Variants in UBE2E2 observed in about 807,000 individuals in gnomAD.
UBE2E2 encodes ubiquitin conjugating enzyme E2 E2, also known as ubiquitin-conjugating enzyme E2 E2.
A neutral mutation model predicts 24.7 loss-of-function variants in UBE2E2; 6 were observed. The observed-to-expected ratio is 0.24, with a 90% CI of 0.13 to 0.48. UBE2E2 has a LOEUF of 0.48. Among genes scored for constraint, UBE2E2 ranks in the 20% least tolerant of loss-of-function variants. UBE2E2 has a pLI of 0.99. For synonymous variants in UBE2E2, 104 were observed against 83.6 expected (o/e 1.24, Z -1.33); for missense variants, 169 against 245.0 (o/e 0.69, Z 2.07).
chr3:23,264,638 T>C (rs770027003), intron 3 of UBE2E2, among the ~76,000 whole-genome samples: 5 of 152,174 alleles, frequency 3.3e-5, no homozygotes, highest in Non-Finnish European at 5.9e-5. Context: ...GGCCCAAGTA[T>C]GCATGGTTTG....
At chr3:23,582,405 T>C (rs892587102) in intron 5 of UBE2E2, among the ~76,000 whole-genome samples, 3 of 152,186 alleles carry the variant, frequency 2.0e-5, no homozygotes, top group Non-Finnish European at 4.4e-5. Flanking sequence ...AAATATTCCT[T>C]TGGATATACC....
At chr3:23,353,229 C>T (rs925061737) in intron 3 of UBE2E2, among the ~76,000 whole-genome samples, 19 of 152,198 alleles carry the variant, frequency 1.2e-4, no homozygotes, top group African/African-American at 3.1e-4. Flanking sequence ...ATTGATGGGA[C>T]GTATCTCCAA....
intron 3 of UBE2E2, among the ~76,000 whole-genome samples, chr3:23,375,544 A>T (rs1696501011): frequency 6.6e-6 from 1 of 152,144 alleles, no homozygotes; most frequent in Admixed American, 6.6e-5. Context: ...TGAGTGAGTG[A>T]TATGTTGTGG....
At chr3:23,385,174 T>C (rs1317504431) in intron 3 of UBE2E2, among the ~76,000 whole-genome samples, 10 of 152,210 alleles carry the variant, frequency 6.6e-5, no homozygotes, top group African/African-American at 2.2e-4. Flanking sequence ...TTGTATTACA[T>C]TGTCCTTTGA....
intron 4 of UBE2E2, among the ~76,000 whole-genome samples, chr3:23,510,485 T>TA (rs1306577254): frequency 6.6e-6 from 1 of 152,052 alleles, no homozygotes; most frequent in Non-Finnish European, 1.5e-5. Flanking sequence ...CACACGCCCG[T>TA]AATCCCAGCT....
At chr3:23,439,558 T>G (rs1000767400) in intron 3 of UBE2E2, among the ~76,000 whole-genome samples, 18 of 152,150 alleles carry the variant, frequency 1.2e-4, no homozygotes, top group Non-Finnish European at 2.5e-4. Flanking sequence ...CCAAAGAGAT[T>G]ATGAGAGAGA....
chr3:23,414,031 T>A (rs930591377), intron 3 of UBE2E2, among the ~76,000 whole-genome samples: 1 of 152,218 alleles, frequency 6.6e-6, no homozygotes. Context: ...TTAGGAACTC[T>A]TAATACATCT....
intron 3 of UBE2E2, among the ~76,000 whole-genome samples, chr3:23,292,462 T>G (rs147336607): frequency 3.9e-5 from 6 of 152,194 alleles, no homozygotes; most frequent in Non-Finnish European, 8.8e-5. Flanking sequence ...TGGGCCATTC[T>G]TGAAGCCAGT....
intron 3 of UBE2E2, among the ~76,000 whole-genome samples, chr3:23,431,767 C>T (rs775504818): frequency 9.9e-5 from 15 of 152,160 alleles, no homozygotes; most frequent in South Asian, 4.1e-4. Context: ...AACCACTATA[C>T]GTAGAAATAT....
At chr3:23,239,583 G>A (rs1412574226) in intron 3 of UBE2E2, among the ~76,000 whole-genome samples, 1 of 152,100 alleles carries the variant, frequency 6.6e-6, no homozygotes, top group Non-Finnish European at 1.5e-5. Flanking sequence ...AAAGCATTTA[G>A]TTTTATAATA....
chr3:23,367,681 A>G (rs1218285033), intron 3 of UBE2E2, among the ~76,000 whole-genome samples: 1 of 152,120 alleles, frequency 6.6e-6, no homozygotes, highest in East Asian at 1.9e-4. Context: ...AGATTAATTG[A>G]ACCCAAAGAC....
chr3:23,276,683 T>C (rs1354780591), intron 3 of UBE2E2, among the ~76,000 whole-genome samples: 3 of 152,046 alleles, frequency 2.0e-5, no homozygotes, highest in Non-Finnish European at 4.4e-5. Context: ...GTGGGTTGTG[T>C]TTTGAAGTCT....
chr3:23,322,885 A>C (rs961926084), intron 3 of UBE2E2, among the ~76,000 whole-genome samples: 2 of 151,928 alleles, frequency 1.3e-5, no homozygotes, highest in African/African-American at 4.8e-5. Flanking sequence ...TTTTAGCCTT[A>C]ACTTAGCTGT....
chr3:23,389,002 C>CA lies in UBE2E2; in HGVS notation c.228-110590dup, dbSNP rs34578427. ...GGGCGACAGAGCAAGACTCCATTTC[C>CA]AAAAAAAAAAAAAAAAGAAAAAGAA... On this transcript the variant is annotated intron_variant, in intron 3 of 5. Coordinates refer to ENST00000396703, the MANE Select transcript of UBE2E2 (RefSeq NM_152653.4). Among the ~76,000 whole-genome samples, 417 of 80,628 alleles carry CA rather than the reference C, an allele frequency of 5.2e-3. 1 individual carries two copies. The highest frequency in any genetic ancestry group is 0.017 in the South Asian group (39 of 2,240). 52.9% of individuals were successfully genotyped at this position (80,628 alleles called of 152,430 possible). A position where few individuals can be genotyped will look rare whatever the true frequency, so the allele number is the denominator to read the frequency against.
At position 23,237,011 on chromosome 3, in the gene UBE2E2, G is replaced by A. The variant is rs184800523; in HGVS notation, c.227+19699G>A. ...TGGGACCTGTTACATTGAGTTAGAG[G>A]CAGTATTACACGGTGGTTTCTTTTG... On this transcript the variant is annotated intron_variant, in intron 3 of 5. Coordinates refer to ENST00000396703, the MANE Select transcript of UBE2E2 (RefSeq NM_152653.4). Among the ~76,000 whole-genome samples, 4 of 152,240 alleles carry A rather than the reference G, an allele frequency of 2.6e-5. No individual in the cohort carries two copies. The East Asian group carries it at 7.7e-4, about 29-fold the overall frequency.
At chr3:23,535,392 C>T (rs187620045) in intron 5 of UBE2E2, among the ~76,000 whole-genome samples, 15 of 152,248 alleles carry the variant, frequency 9.9e-5, no homozygotes, top group Admixed American at 3.3e-4. Context: ...TAGTATCTAA[C>T]GCCGTCACCT....
chr3:23,358,517 A>T (rs779211952), intron 3 of UBE2E2, among the ~76,000 whole-genome samples: 1 of 152,218 alleles, frequency 6.6e-6, no homozygotes, highest in Non-Finnish European at 1.5e-5. Context: ...TCAAATATCA[A>T]TAAGTACGTT....
At chr3:23,316,532 A>T (rs1694586005) in intron 3 of UBE2E2, among the ~76,000 whole-genome samples, 1 of 151,958 alleles carries the variant, frequency 6.6e-6, no homozygotes, top group South Asian at 2.1e-4. Context: ...CTGCCCCAGG[A>T]CAGGGCCAGA....
intron 3 of UBE2E2, among the ~76,000 whole-genome samples, chr3:23,289,529 G>A (rs560406492): frequency 6.6e-4 from 100 of 152,282 alleles, no homozygotes; most frequent in Middle Eastern, 3.4e-3. Context: ...GGATGAATAG[G>A]AAGTAGCAAA....
Sources: allele counts gnomAD v4.1 joint callset (sites outside exome capture counted in the v4.1 genomes callset), GRCh38; gene constraint gnomAD v4.1.1; transcripts MANE v1.5; gene names NCBI Gene and HGNC (gene_info 2026-07-23, HGNC 2026-07-21).